Variants in LNX2 observed in about 807,000 individuals in gnomAD.
The protein encoded by LNX2 is ligand of Numb protein X 2.
In LNX2, 35 loss-of-function variants were observed where a neutral mutation model predicts 66.2. That is an observed-to-expected ratio of 0.53 (90% CI 0.40 to 0.70). LNX2 has a LOEUF of 0.70. Ranked by LOEUF, LNX2 falls within the 30% of genes least tolerant of loss-of-function variation. The pLI is 0.00. For missense variants in LNX2, 791 were observed against 850.8 expected (o/e 0.93, Z 0.87); for synonymous variants, 337 against 315.6 (o/e 1.07, Z -0.72).
intron 1 of LNX2, among the ~76,000 whole-genome samples, chr13:27,593,253 C>A (rs1362501415): frequency 1.3e-5 from 2 of 152,140 alleles, no homozygotes; most frequent in African/African-American, 2.4e-5. Flanking sequence ...CTTCCAATCT[C>A]TTTCTCCCCA....
chr13:27,576,149 A>G (rs1003465009), intron 2 of LNX2, among the ~76,000 whole-genome samples: 4 of 152,242 alleles, frequency 2.6e-5, no homozygotes, highest in African/African-American at 9.6e-5. Flanking sequence ...TGACAATTAT[A>G]AACAGAAATT....
At chr13:27,583,261 C>CGCGCGCGCGCGCGCGCGCGCGCGCGCGT (rs11281345) in intron 1 of LNX2, among the ~76,000 whole-genome samples, 2 of 45,480 alleles carry the variant, frequency 4.4e-5, no homozygotes, top group Non-Finnish European at 9.1e-5. Context: ...TGTGTGCGCG[C>CGCGCGCGCGCGCGCGCGCGCGCGCGCGT]GTCCTCTCCA....
At chr13:27,611,103 G>A (rs1040306765) in intron 1 of LNX2, among the ~76,000 whole-genome samples, 3 of 152,162 alleles carry the variant, frequency 2.0e-5, no homozygotes, top group Non-Finnish European at 4.4e-5. Context: ...TCCCACTTCT[G>A]GGTATACATC....
At chr13:27,617,157 G>C (rs1955836649) in intron 1 of LNX2, among the ~76,000 whole-genome samples, 1 of 152,144 alleles carries the variant, frequency 6.6e-6, no homozygotes, top group Admixed American at 6.5e-5. Context: ...CTACTGCTTT[G>C]TATTTTCTGA....
intron 1 of LNX2, among the ~76,000 whole-genome samples, chr13:27,613,250 A>G (rs1005889920): frequency 6.6e-6 from 1 of 151,946 alleles, no homozygotes; most frequent in Non-Finnish European, 1.5e-5. Flanking sequence ...GACGCTCTGC[A>G]AGGCCAAAAG....
intron 1 of LNX2, among the ~76,000 whole-genome samples, chr13:27,587,507 T>C (rs537233306): frequency 6.6e-6 from 1 of 152,210 alleles, no homozygotes. Context: ...CTGATATGTA[T>C]AACTATATTC....
At position 27,583,255 on chromosome 13, in the gene LNX2, T is replaced by TGCGCGCGCGCCCGCGCGC. The variant is rs1227667311; in HGVS notation, c.-100-1453_-100-1452insGCGCGCGGGCGCGCGCGC. On this transcript the variant is annotated intron_variant, in intron 1 of 9. Transcript: ENST00000316334. ...GTGTGTGTGTGTGTGTGTGTGTGTG[T>TGCGCGCGCGCCCGCGCGC]GCGCGCGTCCTCTCCAACATACTTA... is the stretch of plus-strand genomic sequence containing the variant. 3.4e-5 allele frequency among the ~76,000 whole-genome samples: 2 copies of TGCGCGCGCGCCCGCGCGC among 58,530 alleles called. 1 individual carries two copies. Among genetic ancestry groups the TGCGCGCGCGCCCGCGCGC allele is most frequent in the East Asian group, 1.4e-3 (2 of 1,388 alleles). The allele number at this position is 58,530 out of a possible 152,430, so 38.4% of individuals were successfully genotyped here.
chr13:27,566,750 G>A (rs1189419362), intron 4 of LNX2, among the ~76,000 whole-genome samples: 1 of 152,116 alleles, frequency 6.6e-6, no homozygotes, highest in Non-Finnish European at 1.5e-5. Flanking sequence ...GTGAAGGACC[G>A]AACCACAAAT....
intron 1 of LNX2, among the ~76,000 whole-genome samples, chr13:27,600,274 T>C (rs1182468067): frequency 6.6e-6 from 1 of 152,236 alleles, no homozygotes; most frequent in African/African-American, 2.4e-5. Context: ...GTACATTTTA[T>C]ACTTACATCA....
At chr13:27,567,988 C>A (rs530245054) in intron 3 of LNX2, 149 bp from the exon 4 acceptor site, 2 of 691,172 alleles carry the variant, frequency 2.9e-6, no homozygotes, top group South Asian at 1.8e-5. Context: ...AACAAAATGA[C>A]AAAATATCTG....
intron 9 of LNX2, among the ~76,000 whole-genome samples, 176 bp downstream of exon 9, chr13:27,550,157 G>A (rs554856799): frequency 1.5e-4 from 23 of 152,272 alleles, no homozygotes; most frequent in African/African-American, 4.8e-4. Context: ...CATCAACTCC[G>A]CTGGTGTAGT....
intron 1 of LNX2, among the ~76,000 whole-genome samples, chr13:27,598,075 G>A (rs1202034904): frequency 6.6e-6 from 1 of 152,014 alleles, no homozygotes; most frequent in South Asian, 2.1e-4. Context: ...TCAGGCCCTA[G>A]CCTTCTGCTT....
chr13:27,567,833 T>G lies in LNX2; in HGVS notation c.662A>C (p.Gln221Pro), dbSNP rs1207180675. ...FEESAGADTT[Q>P]QPLSLPEGEI... is the part of the protein sequence containing the mutation. ...TCCTTCTGGTAAACTAAGTGGCTGT[T>G]GTGTGGCTGCCAAGTTAAAAATGAG... The change falls in exon 4 of 10, where the codon CAA becomes CCA. Residue 221 changes from glutamine to proline, a missense_variant. By Grantham distance (76) the Gln-to-Pro change is moderately conservative (BLOSUM62 -1). Transcript: ENST00000316334. 3 of 1,613,788 alleles carry G rather than the reference T, an allele frequency of 1.9e-6. No individual in the cohort carries two copies. Among genetic ancestry groups the G allele is most frequent in the Admixed American group, 1.7e-5 (1 of 59,978 alleles).
intron 1 of LNX2, among the ~76,000 whole-genome samples, chr13:27,598,393 G>A (rs924239364): frequency 2.0e-5 from 3 of 152,094 alleles, no homozygotes; most frequent in Non-Finnish European, 4.4e-5. Context: ...TAAACAAAAG[G>A]GGATGAGACC....
chr13:27,553,199 G>A lies in LNX2; in HGVS notation c.1778+9C>T, dbSNP rs892159014. On this transcript the variant is annotated intron_variant, in intron 8 of 9. Coordinates refer to ENST00000316334, the MANE Select transcript of LNX2 (RefSeq NM_153371.4). The stretch of plus-strand genomic sequence containing the variant: ...GATTTCCATAAAGCAACAAGAAAGC[G>A]CTCAGTACCTGGGAAGCCCAAGCCA... 3.0e-5 allele frequency: 48 copies of A among 1,609,664 alleles called. No individual in the cohort carries two copies. Among genetic ancestry groups the A allele is most frequent in the East Asian group, 1.1e-4 (5 of 44,856 alleles).
rs565167941 is a variant in LNX2, at chr13:27,586,089, T to C, written c.-100-4286A>G. Among the ~76,000 whole-genome samples the C allele has an allele frequency of 1.4e-3, 210 of 149,406 alleles. 1 individual carries two copies. The highest frequency in any genetic ancestry group is 1.9e-3 in the Non-Finnish European group (130 of 67,492). On this transcript the variant is annotated intron_variant, in intron 1 of 9. Coordinates refer to ENST00000316334, the MANE Select transcript of LNX2 (RefSeq NM_153371.4). ...AAGGCAGTACATATATCTATATCTATATAATATCTAAGTTCAGATATATAT... is the reference window on the plus strand; with the variant it reads ...AAGGCAGTACATATATCTATATCTACATAATATCTAAGTTCAGATATATAT...
intron 1 of LNX2, among the ~76,000 whole-genome samples, chr13:27,586,661 C>G (rs1955490278): frequency 6.6e-6 from 1 of 152,152 alleles, no homozygotes; most frequent in African/African-American, 2.4e-5. Flanking sequence ...TGTTTGAGTT[C>G]AGATATTATA....
chr13:27,569,246 G>T lies in LNX2; in HGVS notation c.438C>A (p.Ala146=). The T allele has an allele frequency of 1.9e-6, 3 of 1,612,948 alleles. No individual in the cohort carries two copies. Among genetic ancestry groups the T allele is most frequent in the Non-Finnish European group, 2.5e-6 (3 of 1,179,550 alleles). The change falls in exon 3 of 10, where the codon GCC becomes GCA. Residue 146 remains alanine (A), a synonymous_variant. Transcript: ENST00000316334. The part of the protein sequence containing the change: ...RCPGASHRRV[A]LERRKTSRTQ... ...TTCTACTAGTTTTCCTTCTCTCCAGGGCAACTCTCCGATGAGAAGCTCCAG... is the reference window on the plus strand; with the variant it reads ...TTCTACTAGTTTTCCTTCTCTCCAGTGCAACTCTCCGATGAGAAGCTCCAG...
chr13:27,550,264 T>C (rs1954990818), intron 9 of LNX2, 69 bp downstream of exon 9: 4 of 1,411,466 alleles, frequency 2.8e-6, no homozygotes, highest in African/African-American at 1.4e-5. Flanking sequence ...TGCTGACCCC[T>C]GACCCCTGGT....
Sources: allele counts gnomAD v4.1 joint callset (sites outside exome capture counted in the v4.1 genomes callset), GRCh38; gene constraint gnomAD v4.1.1; transcripts MANE v1.5; gene names NCBI Gene and HGNC (gene_info 2026-07-23, HGNC 2026-07-21).